Variants in CPED1 observed in about 807,000 individuals in gnomAD.
CPED1 encodes the protein cadherin-like and PC-esterase domain-containing protein 1.
Under a neutral mutation model 128.2 loss-of-function variants are expected in CPED1, and 114 were observed. The observed-to-expected ratio is 0.89, with a 90% CI of 0.76 to 1.04. The LOEUF (loss-of-function observed/expected upper bound fraction) is 1.04. Among genes scored for constraint, CPED1 ranks in the 50% least tolerant of loss-of-function variants. The probability of loss-of-function intolerance (pLI) is 0.00; values close to 1 mark genes in which losing one functional copy is unlikely to be tolerated. For synonymous variants in CPED1, 462 were observed against 426.7 expected, an observed-to-expected ratio of 1.08 and a Z score of -1.02; for missense variants, 1,211 against 1,207.1, an observed-to-expected ratio of 1.00 and a Z score of -0.05.
intron 7 of CPED1, among the ~76,000 whole-genome samples, chr7:121,118,270 A>G (rs1795301404): frequency 6.6e-6 from 1 of 152,170 alleles, no homozygotes; most frequent in Non-Finnish European, 1.5e-5. Flanking sequence ...TTAATTGAAT[A>G]AAAAGAAACC....
At chr7:121,035,330 G>A (rs1209149455) in intron 3 of CPED1, among the ~76,000 whole-genome samples, 4 of 152,182 alleles carry the variant, frequency 2.6e-5, no homozygotes, top group Non-Finnish European at 4.4e-5. Context: ...TTAGAAGCAG[G>A]AAGACTAGCT....
At chr7:121,163,918 C>T (rs1329059506) in intron 16 of CPED1, among the ~76,000 whole-genome samples, 2 of 151,690 alleles carry the variant, frequency 1.3e-5, no homozygotes, top group African/African-American at 4.8e-5. Flanking sequence ...CACTTGGTGG[C>T]AATATTAAAG....
In CPED1 at chr7:121,297,284, C is replaced by G. The variant is rs1792841664; in HGVS notation, c.*1632C>G. The G allele has an allele frequency of 1.3e-5, 2 of 152,130 alleles. No individual in the cohort carries two copies. The highest frequency in any genetic ancestry group is 4.1e-4 in the South Asian group (2 of 4,820). The allele number at this position is 152,130 out of a possible 1,614,324, so 9.4% of individuals were successfully genotyped here. On this transcript the variant is annotated 3_prime_UTR_variant, in exon 23 of 23. Coordinates refer to ENST00000310396, the MANE Select transcript of CPED1 (RefSeq NM_024913.5). The stretch of plus-strand genomic sequence containing the variant: ...ATCATGTTTTAACATACTGTATACT[C>G]TATAGCAGTATTACAGTCAGTATTT...
At chr7:121,071,106 G>A (rs977065799) in intron 5 of CPED1, among the ~76,000 whole-genome samples, 12 of 152,108 alleles carry the variant, frequency 7.9e-5, no homozygotes, top group Non-Finnish European at 8.8e-5. Context: ...ATCTAATGTA[G>A]AGACTTTAAC....
chr7:121,295,148 C>G (rs1335770450), intron 22 of CPED1, among the ~76,000 whole-genome samples: 1 of 150,052 alleles, frequency 6.7e-6, no homozygotes, highest in Admixed American at 6.6e-5. Context: ...AAAACACACA[C>G]ACACACACAC....
intron 22 of CPED1, among the ~76,000 whole-genome samples, chr7:121,291,728 C>T (rs1792707301): frequency 6.6e-6 from 1 of 152,112 alleles, no homozygotes. Flanking sequence ...TCTAAAGATA[C>T]ACTCATGTCA....
intron 12 of CPED1, among the ~76,000 whole-genome samples, chr7:121,131,814 A>C (rs1795677732): frequency 6.6e-6 from 1 of 152,014 alleles, no homozygotes; most frequent in South Asian, 2.1e-4. Flanking sequence ...TATACTATGA[A>C]CTATGTATAT....
At chr7:121,028,584 G>A (rs560331854) in intron 3 of CPED1, among the ~76,000 whole-genome samples, 8 of 152,260 alleles carry the variant, frequency 5.3e-5, no homozygotes, top group Non-Finnish European at 7.4e-5. Context: ...TGGACACACC[G>A]AACTTTCTGG....
intron 5 of CPED1, among the ~76,000 whole-genome samples, chr7:121,064,578 T>C (rs541257599): frequency 1.3e-5 from 2 of 152,314 alleles, no homozygotes; most frequent in East Asian, 3.9e-4. Flanking sequence ...TTCTATTTGT[T>C]TTTAAAACAA....
At chr7:121,289,810 A>T (rs1584657970) in intron 22 of CPED1, among the ~76,000 whole-genome samples, 1 of 152,022 alleles carries the variant, frequency 6.6e-6, no homozygotes, top group African/African-American at 2.4e-5. Context: ...TTATTATTTT[A>T]TTTATTTTTA....
Position 121,267,277 on chromosome 7 carries a change from T to G in CPED1, c.2696T>G (p.Val899Gly). Residue 899 changes from valine (V) to glycine (G), a missense_variant, in exon 21 of 23, where the codon GTG becomes GGG. By Grantham distance (109) the Val-to-Gly change is moderately radical (BLOSUM62 -3). Transcript: ENST00000310396. ...KTLGIGFHLP[V>G]DGVHFLTQSE... is the part of the protein sequence containing the mutation. ...TTGGGAATTGGATTTCATCTGCCAGTGGATGGAGTACATTTCTTAACACAG... is the reference window on the plus strand; with the variant it reads ...TTGGGAATTGGATTTCATCTGCCAGGGGATGGAGTACATTTCTTAACACAG... 6.3e-7 allele frequency: 1 copy of G among 1,594,514 alleles called. No individual in the cohort carries two copies. Among genetic ancestry groups the G allele is most frequent in the Non-Finnish European group, 8.6e-7 (1 of 1,166,644 alleles).
chr7:120,993,047 A>G (rs1167523269), intron 2 of CPED1, among the ~76,000 whole-genome samples: 1 of 152,216 alleles, frequency 6.6e-6, no homozygotes, highest in Admixed American at 6.5e-5. Flanking sequence ...GGGCTTGGCT[A>G]AGCAGATGTA....
intron 2 of CPED1, among the ~76,000 whole-genome samples, chr7:121,005,213 A>G (rs1297316268): frequency 6.6e-6 from 1 of 152,112 alleles, no homozygotes; most frequent in African/African-American, 2.4e-5. Context: ...GTTTGCTGAG[A>G]ATGATAGTTT....
chr7:121,277,008 A>AT (rs888382548), intron 22 of CPED1, among the ~76,000 whole-genome samples: 46 of 150,846 alleles, frequency 3.0e-4, no homozygotes, highest in Non-Finnish European at 4.3e-4. Context: ...AAGTTAGGAG[A>AT]TTTTTTTTTT....
In CPED1 at chr7:121,156,391, G is replaced by A. The variant is rs115058470; in HGVS notation, c.2055+14250G>A. Among the ~76,000 whole-genome samples, 1,465 of 152,274 alleles carry A rather than the reference G, an allele frequency of 9.6e-3. 24 individuals carry two copies. Among genetic ancestry groups the A allele is most frequent in the African/African-American group, 0.033 (1,366 of 41,552 alleles). On this transcript the variant is annotated intron_variant, in intron 16 of 22. Coordinates refer to ENST00000310396, the MANE Select transcript of CPED1 (RefSeq NM_024913.5). ...AGGTAAGAGATATTTGCACTCTCCT[G>A]TTTATTGCAGCGCTATTCACAATAG...
intron 15 of CPED1, 26 bp downstream of exon 15, chr7:121,141,039 T>C (rs1251201630): frequency 1.3e-6 from 2 of 1,580,128 alleles, no homozygotes; most frequent in South Asian, 2.3e-5. Flanking sequence ...TGGGGCTGTG[T>C]TGAGACACTA....
intron 16 of CPED1, among the ~76,000 whole-genome samples, chr7:121,172,215 A>G (rs1364775123): frequency 3.9e-5 from 6 of 152,184 alleles, no homozygotes; most frequent in Admixed American, 3.9e-4. Context: ...AGTAATCGGT[A>G]TCTTATAGCT....
intron 5 of CPED1, among the ~76,000 whole-genome samples, chr7:121,068,064 C>T (rs527641409): frequency 1.2e-4 from 19 of 152,030 alleles, no homozygotes; most frequent in Middle Eastern, 3.4e-3. Flanking sequence ...TTCTGTAGGT[C>T]GCCTGTTCAC....
chr7:121,271,971 T>A lies in CPED1; in HGVS notation c.2868+541T>A, dbSNP rs143853027. Among the ~76,000 whole-genome samples the A allele has an allele frequency of 2.7e-3, 405 of 152,286 alleles. 4 individuals carry two copies. Among genetic ancestry groups the A allele is most frequent in the African/African-American group, 9.4e-3 (392 of 41,578 alleles). ...GTGATAGCCTAAAACTATTTTATTCTTTTTTCTCCTGTCCTTTTGAACCTT... is the reference window on the plus strand; with the variant it reads ...GTGATAGCCTAAAACTATTTTATTCATTTTTCTCCTGTCCTTTTGAACCTT... On this transcript the variant is annotated intron_variant, in intron 22 of 22. Transcript: ENST00000310396.
Sources: gnomAD v4.1 joint callset for allele counts (sites outside exome capture counted in the v4.1 genomes callset) on GRCh38, gnomAD v4.1.1 for gene constraint, MANE v1.5 for transcripts, NCBI Gene and HGNC (gene_info 2026-07-23, HGNC 2026-07-21) for gene names.